The following COL21A1 variants were observed in gnomAD, a reference collection of about 807,000 sequenced individuals.
The protein encoded by COL21A1 is collagen alpha-1(XXI) chain.
COL21A1 carries 149 observed loss-of-function variants against 137.9 expected under a neutral mutation model. The observed-to-expected ratio is 1.08, with a 90% CI of 0.95 to 1.24. The LOEUF is 1.24. Ranked by LOEUF, COL21A1 falls within the 50% of genes most tolerant of loss-of-function variation. The probability of loss-of-function intolerance (pLI) is 0.00; values close to 1 mark genes in which losing one functional copy is unlikely to be tolerated. For missense variants in COL21A1, 1,167 were observed against 1,158.4 expected (o/e 1.01, Z -0.11); for synonymous variants, 456 against 391.5 (o/e 1.16, Z -1.95).
intron 12 of COL21A1, among the ~76,000 whole-genome samples, chr6:56,136,206 T>C (rs188507924): frequency 6.6e-6 from 1 of 152,294 alleles, no homozygotes; most frequent in East Asian, 1.9e-4. Flanking sequence ...GTGAAGACAA[T>C]GGGAAGCTCC....
At chr6:56,390,345 T>C (rs932858446) in intron 1 of COL21A1, among the ~76,000 whole-genome samples, 1 of 152,064 alleles carries the variant, frequency 6.6e-6, no homozygotes, top group Non-Finnish European at 1.5e-5. Flanking sequence ...GAGACACACA[T>C]ACAAAAATGC....
intron 1 of COL21A1, among the ~76,000 whole-genome samples, chr6:56,363,607 G>A (rs9464381): frequency 0.26 from 40,103 of 152,096 alleles, 6,068 homozygotes; most frequent in African/African-American, 0.41. Flanking sequence ...GAAGTTCCTA[G>A]GAGGGGCCAT....
chr6:56,251,571 G>C (rs1782855156), upstream of COL21A1, among the ~76,000 whole-genome samples: 1 of 152,200 alleles, frequency 6.6e-6, no homozygotes, highest in African/African-American at 2.4e-5. Context: ...GATTGGATGT[G>C]TGTGAGTGTG....
At chr6:56,329,555 A>C (rs1427884213) in intron 1 of COL21A1, among the ~76,000 whole-genome samples, 1 of 152,066 alleles carries the variant, frequency 6.6e-6, no homozygotes, top group Admixed American at 6.6e-5. Flanking sequence ...GTGAGAGGAA[A>C]TGAAAAAGAT....
At chr6:56,329,640 C>T (rs1582786625) in intron 1 of COL21A1, among the ~76,000 whole-genome samples, 1 of 151,896 alleles carries the variant, frequency 6.6e-6, no homozygotes, top group African/African-American at 2.4e-5. Context: ...AGCAATATGC[C>T]GAGATAGTCC....
chr6:56,078,063 G>A (rs1342252670), intron 17 of COL21A1: 1 of 455,444 alleles, frequency 2.2e-6, no homozygotes, highest in South Asian at 1.6e-5. Flanking sequence ...TATAAAAAAT[G>A]GCAATCTTTT....
chr6:56,196,136 T>C (rs1480243716), intron 1 of COL21A1, among the ~76,000 whole-genome samples: 1 of 152,076 alleles, frequency 6.6e-6, no homozygotes, highest in African/African-American at 2.4e-5. Context: ...TCTAAATACA[T>C]ACCAAAACAA....
At chr6:56,379,409 T>C (rs975871381) in intron 1 of COL21A1, among the ~76,000 whole-genome samples, 1 of 152,192 alleles carries the variant, frequency 6.6e-6, no homozygotes, top group East Asian at 1.9e-4. Context: ...GAAAATAGCC[T>C]GAGGCTGATC....
At chr6:56,252,201 G>A (rs1470461317), upstream of COL21A1, among the ~76,000 whole-genome samples, 2 of 152,202 alleles carry the variant, frequency 1.3e-5, no homozygotes, top group Non-Finnish European at 2.9e-5. Context: ...ATCTCTGAAA[G>A]ATTCAAGTGG....
intron 1 of COL21A1, among the ~76,000 whole-genome samples, chr6:56,386,272 ATACCCCATT>A (rs1562081459): frequency 3.3e-5 from 5 of 152,148 alleles, no homozygotes; most frequent in Non-Finnish European, 7.4e-5. Flanking sequence ...TGGCTGAATA[ATACCCCATT>A]GTAGGGCTAT....
intron 1 of COL21A1, among the ~76,000 whole-genome samples, chr6:56,352,411 C>T (rs1166705708): frequency 2.0e-5 from 3 of 151,856 alleles, no homozygotes; most frequent in Non-Finnish European, 4.4e-5. Context: ...TTCCCAGGTA[C>T]CAAGTATCAA....
At chr6:56,343,184 C>T (rs1765509092) in intron 1 of COL21A1, among the ~76,000 whole-genome samples, 1 of 152,092 alleles carries the variant, frequency 6.6e-6, no homozygotes, top group African/African-American at 2.4e-5. Flanking sequence ...ATAGGGACCA[C>T]CCAGAGAGAC....
At chr6:56,250,523 A>C (rs1279933111), upstream of COL21A1, among the ~76,000 whole-genome samples, 1 of 152,202 alleles carries the variant, frequency 6.6e-6, no homozygotes, top group Non-Finnish European at 1.5e-5. Flanking sequence ...CAGTTGTACA[A>C]CCACAAGGAA....
At chr6:56,135,285 C>T (rs778480966) in intron 12 of COL21A1, among the ~76,000 whole-genome samples, 20 of 152,028 alleles carry the variant, frequency 1.3e-4, no homozygotes, top group Non-Finnish European at 1.9e-4. Flanking sequence ...AAAAGGATCA[C>T]AGCCCAGTAG....
At chr6:56,241,541 T>C (rs1782324875) in intron 1 of COL21A1, among the ~76,000 whole-genome samples, 1 of 152,050 alleles carries the variant, frequency 6.6e-6, no homozygotes, top group Non-Finnish European at 1.5e-5. Context: ...AGAAAAAAAG[T>C]AAAAGAGCTG....
chr6:56,225,849 A>C (rs2152315038), intron 1 of COL21A1: 1 of 152,148 alleles, frequency 6.6e-6, no homozygotes. Context: ...CAAGTGCCTG[A>C]GATGTCTTAC....
chr6:56,381,253 A>T (rs1254628259), intron 1 of COL21A1, among the ~76,000 whole-genome samples: 4 of 152,134 alleles, frequency 2.6e-5, no homozygotes, highest in Non-Finnish European at 5.9e-5. Flanking sequence ...CGAGTTTACG[A>T]ATTTATATTT....
chr6:56,321,414 C>T (rs1764864471), intron 1 of COL21A1, among the ~76,000 whole-genome samples: 1 of 152,118 alleles, frequency 6.6e-6, no homozygotes, highest in Non-Finnish European at 1.5e-5. Context: ...TTGGCATTTG[C>T]CATTTGATAT....
chr6:56,163,577 T>C (rs760286581), intron 9 of COL21A1, among the ~76,000 whole-genome samples: 54 of 152,084 alleles, frequency 3.6e-4, no homozygotes, highest in Non-Finnish European at 6.9e-4. Context: ...GGCGCAGTGG[T>C]GATCGCCTGT....
Sources: allele counts gnomAD v4.1 joint callset (sites outside exome capture counted in the v4.1 genomes callset), GRCh38; gene constraint gnomAD v4.1.1; transcripts MANE v1.5; gene names NCBI Gene and HGNC (gene_info 2026-07-23, HGNC 2026-07-21).